HDHD2: variants seen among roughly 807,000 people sequenced by gnomAD.
HDHD2 encodes haloacid dehalogenase like hydrolase domain containing 2, also known as haloacid dehalogenase-like hydrolase domain-containing protein 2.
In HDHD2, 26 loss-of-function variants were observed where a neutral mutation model predicts 24.8. That is an observed-to-expected ratio of 1.05 (90% CI 0.77 to 1.45). HDHD2 has a LOEUF of 1.45. Among genes scored for constraint, HDHD2 ranks in the 40% most tolerant of loss-of-function variants. The probability of loss-of-function intolerance (pLI) is 0.00; values close to 1 mark genes in which losing one functional copy is unlikely to be tolerated. For missense variants in HDHD2, 299 were observed against 313.4 expected, an observed-to-expected ratio of 0.95 and a Z score of 0.35; for synonymous variants, 128 against 114.9, an observed-to-expected ratio of 1.11 and a Z score of -0.73.
intron 6 of HDHD2, chr18:47,111,367 T>TA (rs547835822): frequency 0.016 from 14,112 of 876,550 alleles, 6 homozygotes; most frequent in African/African-American, 0.03. Context: ...TTACATGAGC[T>TA]AAAAAAAAAA....
chr18:47,137,026 C>T (rs971259198), intron 1 of HDHD2: 3 of 687,642 alleles, frequency 4.4e-6, no homozygotes, highest in Non-Finnish European at 8.2e-6. Flanking sequence ...CCATGGCCAA[C>T]AAAAAGCCCA....
chr18:47,147,803 T>C (rs2063887171), intron 1 of HDHD2, among the ~76,000 whole-genome samples: 1 of 152,158 alleles, frequency 6.6e-6, no homozygotes, highest in Non-Finnish European at 1.5e-5. Context: ...CCATAGAACG[T>C]ACCTTTTAAA....
At chr18:47,147,956 C>T (rs1205508889) in intron 1 of HDHD2, among the ~76,000 whole-genome samples, 1 of 151,782 alleles carries the variant, frequency 6.6e-6, no homozygotes, top group African/African-American at 2.4e-5. Context: ...ATCACTATGA[C>T]CTCTCTTCTT....
intron 2 of HDHD2, 107 bp from the exon 3 acceptor site, chr18:47,134,811 T>A (rs933216910): frequency 1.2e-6 from 1 of 824,900 alleles, no homozygotes; most frequent in Non-Finnish European, 2.0e-6. Context: ...GCCAGCAACA[T>A]GACAATGTGT....
Position 47,110,806 on chromosome 18 carries a change from A to AT in HDHD2, c.677-2022dup, listed in dbSNP as rs758651669. ...ATATATGAAGGCAAAGAAAGATCCT[A>AT]TTTTTTTTCTAGATGACTGTTTCAC... On this transcript the variant is annotated intron_variant, in intron 6 of 6. Coordinates refer to ENST00000300605, the MANE Select transcript of HDHD2 (RefSeq NM_032124.5). 52 of 984,302 alleles carry AT rather than the reference A, an allele frequency of 5.3e-5. 1 individual carries two copies. Among genetic ancestry groups the AT allele is most frequent in the Non-Finnish European group, 6.0e-5 (50 of 829,162 alleles). 61.0% of individuals were successfully genotyped at this position (984,302 alleles called of 1,614,324 possible). A position where few individuals can be genotyped will look rare whatever the true frequency, so the allele number is the denominator to read the frequency against.
At chr18:47,143,535 T>G (rs1167263065) in intron 1 of HDHD2, among the ~76,000 whole-genome samples, 1 of 152,156 alleles carries the variant, frequency 6.6e-6, no homozygotes. Context: ...TCTAGTAGAG[T>G]TATTTTTCCA....
At chr18:47,123,867 T>C (rs980863687) in intron 4 of HDHD2, among the ~76,000 whole-genome samples, 1 of 152,206 alleles carries the variant, frequency 6.6e-6, no homozygotes, top group African/African-American at 2.4e-5. Context: ...TCAAAGTTGA[T>C]TTCAAAATCT....
Position 47,107,485 on chromosome 18 carries a change from G to A in HDHD2, c.*1197C>T, listed in dbSNP as rs575168917. 5.4e-4 allele frequency: 83 copies of A among 152,652 alleles called. No individual in the cohort carries two copies. The highest frequency in any genetic ancestry group is 1.7e-3 in the African/African-American group (71 of 41,536). 9.5% of individuals were successfully genotyped at this position (152,652 alleles called of 1,614,324 possible). On this transcript the variant is annotated 3_prime_UTR_variant, in exon 7 of 7. Transcript: ENST00000300605. ...GATCTCTAAACAAGCATCAAAACCC[G>A]AAGCTCATTAACATCAGAGTGAGCT... is the stretch of plus-strand genomic sequence containing the variant.
intron 4 of HDHD2, among the ~76,000 whole-genome samples, chr18:47,128,644 G>C (rs1428008432): frequency 6.6e-6 from 1 of 152,210 alleles, no homozygotes; most frequent in Non-Finnish European, 1.5e-5. Flanking sequence ...ACTATAAAAA[G>C]TGAGTTTGCT....
chr18:47,111,471 A>G, intron 6 of HDHD2: 1 of 985,136 alleles, frequency 1.0e-6, no homozygotes, highest in Non-Finnish European at 1.2e-6. Context: ...GAGAAAATAA[A>G]ACAGCAAAAG....
Position 47,107,763 on chromosome 18 carries a change from A to G in HDHD2, c.*919T>C, listed in dbSNP as rs2063486112. On this transcript the variant is annotated 3_prime_UTR_variant, in exon 7 of 7. Coordinates refer to ENST00000300605, the MANE Select transcript of HDHD2 (RefSeq NM_032124.5). ...CTTGAATCTGTCCCAATAGCTTCTA[A>G]AAAATTTTTCCCATAGTGTCAGAGG... is the stretch of plus-strand genomic sequence containing the variant. The G allele has an allele frequency of 6.6e-6, 1 of 152,658 alleles. No individual in the cohort carries two copies. The highest frequency in any genetic ancestry group is 2.1e-4 in the South Asian group (1 of 4,832). The allele number at this position is 152,658 out of a possible 1,614,324, so 9.5% of individuals were successfully genotyped here.
intron 3 of HDHD2, among the ~76,000 whole-genome samples, chr18:47,130,626 T>C (rs562388124): frequency 6.6e-6 from 1 of 152,342 alleles, no homozygotes; most frequent in East Asian, 1.9e-4. Context: ...TGTAACCTGA[T>C]GTCCTCAAAC....
rs371085312 is a variant in HDHD2 at position 47,115,305 on chromosome 18, T to C, written c.439A>G (p.Arg147Gly). 4 of 1,613,896 alleles carry C rather than the reference T, an allele frequency of 2.5e-6. No homozygotes were observed. In the African/African-American group the frequency reaches 5.3e-5, roughly 22 times the overall value. ...GAPLIAIHKA[R>G]YYKRKDGLAL... ...AAGCCATCTTTCCTCTTGTAATACC[T>C]GGCTTTGTGGATTGCTATCAGAGGT... Residue 147 changes from arginine to glycine, a missense_variant, in exon 5 of 7, where the codon AGG becomes GGG. By Grantham distance (125) the Arg-to-Gly change is moderately radical. Coordinates refer to ENST00000300605, the MANE Select transcript of HDHD2 (RefSeq NM_032124.5).
chr18:47,138,133 C>G (rs2063784629), intron 1 of HDHD2, among the ~76,000 whole-genome samples: 1 of 134,988 alleles, frequency 7.4e-6, no homozygotes, highest in South Asian at 2.4e-4. Flanking sequence ...GATCGCACCA[C>G]TGCACTCCAG....
At chr18:47,120,260 A>G (rs963037269) in intron 4 of HDHD2, among the ~76,000 whole-genome samples, 2 of 152,228 alleles carry the variant, frequency 1.3e-5, no homozygotes, top group Non-Finnish European at 2.9e-5. Context: ...TTTAGTGTAG[A>G]CGCCTTCATC....
chr18:47,110,952 G>A (rs1194009737), intron 6 of HDHD2: 1 of 985,056 alleles, frequency 1.0e-6, no homozygotes, highest in Non-Finnish European at 1.2e-6. Flanking sequence ...ATGATCCACA[G>A]AAAGCACTTA....
At chr18:47,136,061 CTT>C (rs1437721717) in intron 2 of HDHD2, among the ~76,000 whole-genome samples, 1 of 152,172 alleles carries the variant, frequency 6.6e-6, no homozygotes, top group African/African-American at 2.4e-5. Flanking sequence ...ATTGTAGACT[CTT>C]GAGTTGTCAT....
At chr18:47,139,243 G>A (rs1435707921) in intron 1 of HDHD2, among the ~76,000 whole-genome samples, 1 of 151,818 alleles carries the variant, frequency 6.6e-6, no homozygotes, top group African/African-American at 2.4e-5. Flanking sequence ...TGGATCACGA[G>A]GTCAGGAGAT....
At chr18:47,118,102 T>TA (rs1459198964) in intron 4 of HDHD2, among the ~76,000 whole-genome samples, 2 of 152,074 alleles carry the variant, frequency 1.3e-5, no homozygotes, top group African/African-American at 4.8e-5. Context: ...AAACAAAGTG[T>TA]AAAAAATCCT....
Sources: allele counts gnomAD v4.1 joint callset (sites outside exome capture counted in the v4.1 genomes callset), GRCh38; gene constraint gnomAD v4.1.1; transcripts MANE v1.5; gene names NCBI Gene and HGNC (gene_info 2026-07-23, HGNC 2026-07-21).